CUX1: variants seen among roughly 807,000 people sequenced by gnomAD.
CUX1 encodes protein CASP.
In CUX1, 31 loss-of-function variants were observed where a neutral mutation model predicts 158.8. That is an observed-to-expected ratio of 0.20 (90% CI 0.15 to 0.26). The LOEUF is 0.26. Among genes scored for constraint, CUX1 ranks in the 10% least tolerant of loss-of-function variants. CUX1 has a pLI of 1.00. For synonymous variants in CUX1, 879 were observed against 862.1 expected (o/e 1.02, Z -0.34); for missense variants, 1,589 against 2,014.6 (o/e 0.79, Z 4.04).
intron 2 of CUX1, among the ~76,000 whole-genome samples, chr7:102,007,555 C>T (rs74401576): frequency 0.04 from 6,117 of 151,636 alleles, 428 homozygotes; most frequent in African/African-American, 0.14. Context: ...TCCTGGCCTG[C>T]ACCCCTCCTG....
intron 22 of CUX1, 27 bp downstream of exon 22, chr7:102,234,267 G>A (rs201292306): frequency 2.2e-5 from 33 of 1,486,362 alleles, no homozygotes; most frequent in East Asian, 1.5e-4. Context: ...CGCCCGGGCC[G>A]GCTGCGTCCG....
intron 1 of CUX1, among the ~76,000 whole-genome samples, chr7:101,886,912 T>TCAC (rs2131603766): frequency 6.6e-6 from 1 of 152,216 alleles, no homozygotes; most frequent in East Asian, 1.9e-4. Context: ...AGATGCTGCT[T>TCAC]CACCAGCAAC....
chr7:102,185,349 C>T (rs1437615680), intron 11 of CUX1, among the ~76,000 whole-genome samples: 1 of 152,144 alleles, frequency 6.6e-6, no homozygotes, highest in Non-Finnish European at 1.5e-5. Flanking sequence ...ACATGATCCC[C>T]ATTTTATAGA....
intron 9 of CUX1, among the ~76,000 whole-genome samples, chr7:102,168,924 TTTTCTTTTATTTTC>T (rs1791395115): frequency 4.8e-5 from 2 of 41,720 alleles, no homozygotes; most frequent in African/African-American, 3.9e-4. Context: ...TTTTCTTTTC[TTTTCTTTTATTTTC>T]TTTTTTTTTT....
intron 1 of CUX1, among the ~76,000 whole-genome samples, chr7:101,862,270 T>A (rs2131370284): frequency 6.6e-6 from 1 of 152,216 alleles, no homozygotes; most frequent in South Asian, 2.1e-4. Context: ...CTCCTGTTGG[T>A]CTCGGGGGTG....
At chr7:102,008,117 A>C (rs1300508541) in intron 2 of CUX1, among the ~76,000 whole-genome samples, 1 of 152,088 alleles carries the variant, frequency 6.6e-6, no homozygotes, top group South Asian at 2.1e-4. Context: ...GTCCTTTAGC[A>C]GGAGTCACCT....
Position 102,253,539 on chromosome 7 carries a change from A to G in CUX1, c.*4497A>G. 5.1e-6 allele frequency: 5 copies of G among 985,452 alleles called. No individual in the cohort carries two copies. The highest frequency in any genetic ancestry group is 6.0e-6 in the Non-Finnish European group (5 of 829,936). The allele number at this position is 985,452 out of a possible 1,614,324, so 61.0% of individuals were successfully genotyped here. On this transcript the variant is annotated 3_prime_UTR_variant, in exon 24 of 24. Coordinates refer to ENST00000292535, the MANE Select transcript of CUX1 (RefSeq NM_181552.4). ...AGGGTGATCAATGAACTCTGTTGAC[A>G]TTCTATGCAATGTTTTTCATTCCTC...
At chr7:102,095,617 C>T (rs376582525) in intron 4 of CUX1, among the ~76,000 whole-genome samples, 5 of 152,252 alleles carry the variant, frequency 3.3e-5, no homozygotes, top group African/African-American at 1.2e-4. Flanking sequence ...AGACCTGGCC[C>T]TCGATTCCAG....
At chr7:102,031,068 T>G (rs1442054936) in intron 3 of CUX1, among the ~76,000 whole-genome samples, 1 of 152,106 alleles carries the variant, frequency 6.6e-6, no homozygotes, top group Non-Finnish European at 1.5e-5. Context: ...TTTTTATTTT[T>G]ATTTTTTCTA....
chr7:101,879,804 C>T (rs552650629), intron 1 of CUX1, among the ~76,000 whole-genome samples: 7 of 152,268 alleles, frequency 4.6e-5, no homozygotes, highest in South Asian at 2.1e-4. Context: ...CCCAAGGCAG[C>T]GTCCAGCTGG....
chr7:101,936,873 C>T (rs866114866), intron 2 of CUX1, among the ~76,000 whole-genome samples: 1 of 152,304 alleles, frequency 6.6e-6, no homozygotes, highest in African/African-American at 2.4e-5. Flanking sequence ...GGAGCTCCCC[C>T]GTGTCAGCGT....
rs10589615 is a variant in CUX1, at chr7:101,893,158, C to CTTTTTTTTTTTTTTTTTTTTTTTTTTT, written c.31-22956_31-22930dup. Among the ~76,000 whole-genome samples the CTTTTTTTTTTTTTTTTTTTTTTTTTTT allele has an allele frequency of 7.7e-5, 5 of 64,930 alleles. 2 individuals are homozygous for CTTTTTTTTTTTTTTTTTTTTTTTTTTT. Among genetic ancestry groups the CTTTTTTTTTTTTTTTTTTTTTTTTTTT allele is most frequent in the Non-Finnish European group, 8.2e-5 (3 of 36,624 alleles). 42.6% of individuals were successfully genotyped at this position (64,930 alleles called of 152,430 possible). A position where few individuals can be genotyped will look rare whatever the true frequency, so the allele number is the denominator to read the frequency against. On this transcript the variant is annotated intron_variant, in intron 1 of 23. Transcript: ENST00000292535. ...TTCTTTTTACTTTTTATTTTTATTA[C>CTTTTTTTTTTTTTTTTTTTTTTTTTTT]TTTTTTTTTTTTTTTTTTTTTTTTT...
intron 1 of CUX1, among the ~76,000 whole-genome samples, chr7:101,829,690 T>A (rs1364372058): frequency 3.2e-5 from 1 of 31,424 alleles, no homozygotes; most frequent in African/African-American, 1.2e-4. Context: ...GGGGCCGGGG[T>A]GGGTGGGCTT....
At chr7:101,827,327 A>G (rs957718082) in intron 1 of CUX1, among the ~76,000 whole-genome samples, 3 of 129,186 alleles carry the variant, frequency 2.3e-5, no homozygotes, top group Non-Finnish European at 4.9e-5. Context: ...TCCTTTTCAG[A>G]CGGGGTCTCA....
intron 20 of CUX1, among the ~76,000 whole-genome samples, chr7:102,218,526 A>G (rs573859990): frequency 6.6e-6 from 1 of 151,980 alleles, no homozygotes; most frequent in South Asian, 2.1e-4. Context: ...TCGACAAATA[A>G]TAATTATAGT....
chr7:101,828,085 C>T (rs1354980552), intron 1 of CUX1, among the ~76,000 whole-genome samples: 1 of 151,034 alleles, frequency 6.6e-6, no homozygotes, highest in African/African-American at 2.4e-5. Context: ...AAGTGATTCT[C>T]CTGCCTCAGC....
Position 102,178,453 on chromosome 7 carries a change from C to CT in CUX1, c.829-12dup. ...CAAGGCCAGCGCAGTTTTGTCATCT[C>CT]TTTTCTCCTCCCCAGGAGCAGGCCA... On this transcript the variant is annotated splice_polypyrimidine_tract_variant and intron_variant, in intron 10 of 23. Transcript: ENST00000292535. 6.3e-7 allele frequency: 1 copy of CT among 1,579,158 alleles called. No individual in the cohort carries two copies. The highest frequency in any genetic ancestry group is 8.6e-7 in the Non-Finnish European group (1 of 1,156,336).
intron 2 of CUX1, among the ~76,000 whole-genome samples, chr7:101,995,215 T>G (rs951294338): frequency 6.6e-6 from 1 of 152,154 alleles, no homozygotes; most frequent in Admixed American, 6.6e-5. Flanking sequence ...TCTGCCTGGA[T>G]GCCTTAGGAA....
chr7:101,929,054 G>A (rs1466613506), intron 2 of CUX1, among the ~76,000 whole-genome samples: 9 of 151,888 alleles, frequency 5.9e-5, no homozygotes, highest in Admixed American at 2.0e-4. Context: ...TGAGGCTGGC[G>A]GATCACTTGA....
Sources: gnomAD v4.1 joint callset for allele counts (sites outside exome capture counted in the v4.1 genomes callset) on GRCh38, gnomAD v4.1.1 for gene constraint, MANE v1.5 for transcripts, NCBI Gene and HGNC (gene_info 2026-07-23, HGNC 2026-07-21) for gene names.